POC1A: variants seen among roughly 807,000 people sequenced by gnomAD.
POC1A encodes the protein POC1 centriolar protein homolog A.
A neutral mutation model predicts 47.8 loss-of-function variants in POC1A; 34 were observed. The ratio of observed to expected loss-of-function variants is 0.71; its 90% confidence interval spans 0.54 to 0.95. POC1A has a LOEUF of 0.95. Among genes scored for constraint, POC1A ranks in the 40% least tolerant of loss-of-function variants. POC1A has a pLI of 0.00. For synonymous variants in POC1A, 177 were observed against 207.6 expected (o/e 0.85, Z 1.27); for missense variants, 466 against 528.3 (o/e 0.88, Z 1.16).
chr3:52,146,340 A>G (rs1577921420), intron 5 of POC1A, among the ~76,000 whole-genome samples: 1 of 152,274 alleles, frequency 6.6e-6, no homozygotes, highest in African/African-American at 2.4e-5. Context: ...ACAGGTGGGA[A>G]GGTCCAGCAG....
chr3:52,078,286 G>A (rs1475299495), intron 10 of POC1A, among the ~76,000 whole-genome samples: 2 of 151,914 alleles, frequency 1.3e-5, no homozygotes, highest in African/African-American at 4.8e-5. Flanking sequence ...CCCCCACTCT[G>A]AGCCAGGAGA....
In POC1A at chr3:52,145,949, A is replaced by G. The variant is rs755654936; in HGVS notation, c.576T>C (p.Tyr192=). 1.2e-6 allele frequency: 2 copies of G among 1,610,610 alleles called. No homozygotes were observed. The highest frequency in any genetic ancestry group is 1.7e-6 in the Non-Finnish European group (2 of 1,176,970). Residue 192 remains tyrosine, a synonymous_variant, in exon 6 of 11, where the codon TAT becomes TAC. Coordinates refer to ENST00000296484, the MANE Select transcript of POC1A (RefSeq NM_015426.5). Reference sequence around the variant, plus strand: ...ACGTCCCACTGGGGTGGAAGTCCACATAGGTGACAAAGCTGGAAAGACAGG... The same window carrying G: ...ACGTCCCACTGGGGTGGAAGTCCACGTAGGTGACAAAGCTGGAAAGACAGG... ...SYCEHGGFVT[Y]VDFHPSGTCI...
chr3:52,134,800 C>CAA (rs570817861), intron 7 of POC1A, among the ~76,000 whole-genome samples: 13 of 110,544 alleles, frequency 1.2e-4, no homozygotes, highest in Middle Eastern at 4.8e-3. Flanking sequence ...CACCTGGACT[C>CAA]AAAAAAAAAA....
chr3:52,149,242 C>T lies in POC1A; in HGVS notation c.423G>A (p.Leu141=), dbSNP rs1698471735. The T allele has an allele frequency of 1.2e-6, 2 of 1,614,002 alleles. No individual in the cohort carries two copies. Among genetic ancestry groups the T allele is most frequent in the Non-Finnish European group, 1.7e-6 (2 of 1,180,036 alleles). ...AGCGGACCCAGTTGATATGCTGGCT[C>T]AGGGAGAACAGGAATTTCTGGCGAT... is the stretch of plus-strand genomic sequence containing the variant. ...ATHRQKFLFS[L]SQHINWVRCA... is the part of the protein sequence containing the mutation. The change falls in exon 4 of 11, where the codon CTG becomes CTA. Residue 141 remains leucine, a synonymous_variant. Coordinates refer to ENST00000296484, the MANE Select transcript of POC1A (RefSeq NM_015426.5).
intron 10 of POC1A, among the ~76,000 whole-genome samples, chr3:52,077,194 C>T (rs1702142781): frequency 6.6e-6 from 1 of 152,246 alleles, no homozygotes; most frequent in Non-Finnish European, 1.5e-5. Context: ...GACTCCGGTA[C>T]TGTGCAGCCC....
At chr3:52,089,446 C>G (rs1004856026) in intron 10 of POC1A, among the ~76,000 whole-genome samples, 1 of 152,150 alleles carries the variant, frequency 6.6e-6, no homozygotes, top group Admixed American at 6.5e-5. Context: ...CAAACCCCCA[C>G]AAAGAAGTTC....
intron 9 of POC1A, among the ~76,000 whole-genome samples, chr3:52,101,111 TA>T (rs1702991361): frequency 8.9e-6 from 1 of 111,838 alleles, no homozygotes; most frequent in Non-Finnish European, 1.9e-5. Context: ...AAAAAAAAAA[TA>T]TCAAGCACCA....
intron 7 of POC1A, among the ~76,000 whole-genome samples, chr3:52,130,197 A>G (rs1678206565): frequency 6.6e-6 from 1 of 152,256 alleles, no homozygotes; most frequent in African/African-American, 2.4e-5. Flanking sequence ...GTGAACAAAT[A>G]GGATTGTCAC....
At chr3:52,138,330 G>C in intron 6 of POC1A, 28 bp from the exon 7 acceptor site, 1 of 1,596,376 alleles carries the variant, frequency 6.3e-7, no homozygotes, top group Non-Finnish European at 8.5e-7. Flanking sequence ...GTCAGGTGCT[G>C]GCTAGGAGGC....
intron 8 of POC1A, among the ~76,000 whole-genome samples, chr3:52,123,490 T>G (rs1703873581): frequency 6.6e-6 from 1 of 152,116 alleles, no homozygotes; most frequent in African/African-American, 2.4e-5. Context: ...TCCCTGTCTG[T>G]CAGGACGCAG....
intron 6 of POC1A, among the ~76,000 whole-genome samples, chr3:52,138,892 G>A (rs1698084156): frequency 6.6e-6 from 1 of 152,120 alleles, no homozygotes; most frequent in East Asian, 1.9e-4. Context: ...GGAGTGCAGT[G>A]GTGCGACCTC....
chr3:52,125,324 T>C, intron 7 of POC1A, 143 bp from the exon 8 acceptor site: 1 of 660,314 alleles, frequency 1.5e-6, no homozygotes, highest in Non-Finnish European at 2.6e-6. Flanking sequence ...CTCCGTAACC[T>C]GTAGCCCAGG....
chr3:52,085,922 G>T lies in POC1A; in HGVS notation c.1126-9937C>A, dbSNP rs1397572549. Reference sequence around the variant, plus strand: ...CTAGCCATTGCCCTGGCTGAGCTCCGGGATGTTGGGGGAGCCATGGGCACA... The same window carrying T: ...CTAGCCATTGCCCTGGCTGAGCTCCTGGATGTTGGGGGAGCCATGGGCACA... On this transcript the variant is annotated intron_variant, in intron 10 of 10. Transcript: ENST00000296484. Among the ~76,000 whole-genome samples the T allele has an allele frequency of 3.9e-5, 6 of 152,328 alleles. No individual in the cohort carries two copies. The South Asian group carries it at 1.2e-3, about 32-fold the overall frequency.
intron 9 of POC1A, among the ~76,000 whole-genome samples, chr3:52,099,209 C>G (rs1702916424): frequency 6.6e-6 from 1 of 152,074 alleles, no homozygotes; most frequent in Non-Finnish European, 1.5e-5. Flanking sequence ...AAGAGCAGGG[C>G]CCACCGAGGT....
intron 9 of POC1A, among the ~76,000 whole-genome samples, chr3:52,097,477 G>A (rs1702858785): frequency 6.6e-6 from 1 of 152,208 alleles, no homozygotes; most frequent in African/African-American, 2.4e-5. Flanking sequence ...TATGCACAAA[G>A]GCTTCTGTGG....
chr3:52,116,741 C>G (rs910114586), intron 9 of POC1A, among the ~76,000 whole-genome samples: 3 of 152,096 alleles, frequency 2.0e-5, no homozygotes, highest in Non-Finnish European at 4.4e-5. Flanking sequence ...GGGAAAAGAA[C>G]CCTTTTTAAA....
At position 52,135,057 on chromosome 3, in the gene POC1A, G is replaced by T. The variant is rs1047672609; in HGVS notation, c.813+3112C>A. Among the ~76,000 whole-genome samples, 5 of 152,328 alleles carry T rather than the reference G, an allele frequency of 3.3e-5. No individual in the cohort carries two copies. The South Asian group carries it at 1.0e-3, about 32-fold the overall frequency. ...CTTCCTCGAAGGTCTGAGTGAGTGG[G>T]AGCCCATGAGGACTCTATACCTGCT... is the stretch of plus-strand genomic sequence containing the variant. On this transcript the variant is annotated intron_variant, in intron 7 of 10. Coordinates refer to ENST00000296484, the MANE Select transcript of POC1A (RefSeq NM_015426.5).
chr3:52,129,859 C>T (rs1177174354), intron 7 of POC1A, among the ~76,000 whole-genome samples: 1 of 152,254 alleles, frequency 6.6e-6, no homozygotes, highest in Admixed American at 6.5e-5. Flanking sequence ...CTTCTGTTGC[C>T]AATTTCCAGA....
chr3:52,114,333 C>T (rs767829000), intron 9 of POC1A, among the ~76,000 whole-genome samples: 7 of 152,218 alleles, frequency 4.6e-5, no homozygotes, highest in African/African-American at 1.2e-4. Context: ...AAACCGGAGA[C>T]GCCCCACAGA....
Sources: gnomAD v4.1 joint callset for allele counts (sites outside exome capture counted in the v4.1 genomes callset) on GRCh38, gnomAD v4.1.1 for gene constraint, MANE v1.5 for transcripts, NCBI Gene and HGNC (gene_info 2026-07-23, HGNC 2026-07-21) for gene names.